The following OSBPL6 variants were observed in gnomAD, a reference collection of about 807,000 sequenced individuals.
OSBPL6 encodes oxysterol binding protein like 6.
OSBPL6 carries 49 observed loss-of-function variants against 125.8 expected under a neutral mutation model. The observed-to-expected ratio is 0.39, with a 90% CI of 0.31 to 0.49. OSBPL6 has a LOEUF of 0.49. Ranked by LOEUF, OSBPL6 falls within the 20% of genes least tolerant of loss-of-function variation. OSBPL6 has a pLI of 0.88. For missense variants in OSBPL6, 986 were observed against 1,135.4 expected, an observed-to-expected ratio of 0.87 and a Z score of 1.89; for synonymous variants, 394 against 391.8, an observed-to-expected ratio of 1.01 and a Z score of -0.07.
At chr2:178,326,910 C>T (rs1176839733) in intron 4 of OSBPL6, among the ~76,000 whole-genome samples, 1 of 151,978 alleles carries the variant, frequency 6.6e-6, no homozygotes, top group Non-Finnish European at 1.5e-5. Flanking sequence ...CTTTTTCCCC[C>T]CCTTCTGGAG....
At chr2:178,285,433 C>T (rs546123745) in intron 2 of OSBPL6, among the ~76,000 whole-genome samples, 83 of 152,180 alleles carry the variant, frequency 5.5e-4, no homozygotes, top group African/African-American at 1.9e-3. Context: ...CAGACCTAAA[C>T]CTTAAAATAG....
Position 178,332,927 on chromosome 2 carries a change from G to A in OSBPL6, c.543G>A (p.Leu181=). 6.2e-7 allele frequency: 1 copy of A among 1,614,146 alleles called. No homozygotes were observed. Among genetic ancestry groups the A allele is most frequent in the South Asian group, 1.1e-5 (1 of 91,084 alleles). ...AWVSKLRHHR[L]YRQNEIVRSP... ...TCTCCAAACTGCGACATCATCGGTT[G>A]TATCGTCAGAATGAAATTGTGAGAT... The change falls in exon 8 of 25, where the codon TTG becomes TTA. Residue 181 remains leucine, a synonymous_variant. Transcript: ENST00000190611.
chr2:178,382,538 T>C, intron 16 of OSBPL6, 31 bp downstream of exon 16: 3 of 1,613,786 alleles, frequency 1.9e-6, no homozygotes, highest in Non-Finnish European at 2.5e-6. Flanking sequence ...CAGGTTGTTC[T>C]ATCTACATGC....
At chr2:178,228,099 A>G (rs190092234) in intron 1 of OSBPL6, among the ~76,000 whole-genome samples, 235 of 152,372 alleles carry the variant, frequency 1.5e-3, no homozygotes, top group Middle Eastern at 0.014. Context: ...TGGAAATTAT[A>G]CATTTTGCAT....
chr2:178,256,903 A>G lies in OSBPL6; in HGVS notation c.-350-28024A>G, dbSNP rs143852998. ...GATTAGACCAGAACATTACAGCAGA[A>G]TTACACCTGCAACTGTCTCTCAATA... On this transcript the variant is annotated intron_variant, in intron 1 of 24. Transcript: ENST00000190611. Among the ~76,000 whole-genome samples the G allele has an allele frequency of 5.9e-3, 895 of 152,306 alleles. 11 individuals are homozygous for G. The highest frequency in any genetic ancestry group is 0.021 in the African/African-American group (854 of 41,552).
chr2:178,205,140 G>T (rs1004582336), intron 1 of OSBPL6, among the ~76,000 whole-genome samples: 1 of 152,188 alleles, frequency 6.6e-6, no homozygotes, highest in Non-Finnish European at 1.5e-5. Flanking sequence ...TAGCTCCAAA[G>T]CCAATTGGCC....
At chr2:178,319,800 T>C (rs757002681) in intron 3 of OSBPL6, among the ~76,000 whole-genome samples, 1 of 152,236 alleles carries the variant, frequency 6.6e-6, no homozygotes, top group Admixed American at 6.5e-5. Flanking sequence ...GCGAGATAGC[T>C]GAAAGCTTGA....
intron 3 of OSBPL6, chr2:178,323,435 C>T (rs1688419297): frequency 6.6e-6 from 1 of 152,052 alleles, no homozygotes; most frequent in African/African-American, 2.4e-5. Flanking sequence ...ACTTTAGAGA[C>T]TGAAGGGTGT....
chr2:178,333,897 C>T (rs951141663), intron 8 of OSBPL6, among the ~76,000 whole-genome samples: 12 of 152,130 alleles, frequency 7.9e-5, no homozygotes, highest in African/African-American at 2.2e-4. Flanking sequence ...TTTCAAATAA[C>T]CAAAGTTCAG....
chr2:178,349,995 C>G (rs1305628930), intron 12 of OSBPL6, among the ~76,000 whole-genome samples: 1 of 152,198 alleles, frequency 6.6e-6, no homozygotes, highest in Non-Finnish European at 1.5e-5. Flanking sequence ...GTTCCAAGAG[C>G]CTGGTAGTGG....
chr2:178,312,600 C>T (rs113673173), intron 3 of OSBPL6, among the ~76,000 whole-genome samples: 1,966 of 151,610 alleles, frequency 0.013, 32 homozygotes, highest in African/African-American at 0.045. Context: ...GGATTACAGG[C>T]GCCTGCCACC....
At chr2:178,299,399 C>G (rs1229199331) in intron 2 of OSBPL6, among the ~76,000 whole-genome samples, 6 of 152,168 alleles carry the variant, frequency 3.9e-5, no homozygotes, top group Non-Finnish European at 7.4e-5. Context: ...TACTATTAAC[C>G]AGGGAAGCTG....
chr2:178,354,689 G>A (rs1169541062), intron 12 of OSBPL6, among the ~76,000 whole-genome samples: 1 of 152,066 alleles, frequency 6.6e-6, no homozygotes, highest in Non-Finnish European at 1.5e-5. Context: ...GAGACAGAAG[G>A]TTAACAAGGA....
At chr2:178,325,431 A>G (rs1206536703) in intron 4 of OSBPL6, among the ~76,000 whole-genome samples, 3 of 152,226 alleles carry the variant, frequency 2.0e-5, no homozygotes, top group Non-Finnish European at 4.4e-5. Context: ...TCAGACAAGA[A>G]TAGACTGCTA....
At chr2:178,215,394 C>T (rs1035384353) in intron 1 of OSBPL6, among the ~76,000 whole-genome samples, 5 of 152,140 alleles carry the variant, frequency 3.3e-5, no homozygotes, top group African/African-American at 1.2e-4. Flanking sequence ...TCCACAGGTG[C>T]CTTTTTGTTT....
At chr2:178,234,834 C>G (rs2090982208) in intron 1 of OSBPL6, among the ~76,000 whole-genome samples, 1 of 152,198 alleles carries the variant, frequency 6.6e-6, no homozygotes, top group Non-Finnish European at 1.5e-5. Context: ...ACCAAACACT[C>G]TGAATCAGAT....
intron 15 of OSBPL6, among the ~76,000 whole-genome samples, chr2:178,374,258 G>A (rs1693665468): frequency 6.6e-6 from 1 of 152,090 alleles, no homozygotes; most frequent in South Asian, 2.1e-4. Flanking sequence ...ATGAATTAAG[G>A]GAAAGAACCA....
chr2:178,256,316 A>G (rs7564722), intron 1 of OSBPL6, among the ~76,000 whole-genome samples: 37,791 of 152,156 alleles, frequency 0.25, 5,249 homozygotes, highest in African/African-American at 0.38. Context: ...TTTTGCTAAC[A>G]GGGTGATATA....
chr2:178,339,527 C>T (rs528817690), intron 10 of OSBPL6, 145 bp from the exon 11 acceptor site: 15 of 453,544 alleles, frequency 3.3e-5, no homozygotes, highest in Middle Eastern at 5.7e-4. Context: ...GCCCACTATT[C>T]GTCTAATATG....
Sources: gnomAD v4.1 joint callset for allele counts (sites outside exome capture counted in the v4.1 genomes callset) on GRCh38, gnomAD v4.1.1 for gene constraint, MANE v1.5 for transcripts, NCBI Gene and HGNC (gene_info 2026-07-23, HGNC 2026-07-21) for gene names.